TRRAP: variants seen among roughly 807,000 people sequenced by gnomAD.
TRRAP encodes transformation/transcription domain associated protein.
In TRRAP, 41 loss-of-function variants were observed where a neutral mutation model predicts 438.8. The ratio of observed to expected loss-of-function variants is 0.09; its 90% CI spans 0.07 to 0.12. TRRAP has a LOEUF of 0.12. TRRAP is among the 10% of genes least tolerant of loss of function. TRRAP has a pLI of 1.00. For synonymous variants in TRRAP, 1,994 were observed against 1,962.9 expected (o/e 1.02, Z -0.42); for missense variants, 3,122 against 5,055.1 (o/e 0.62, Z 11.60).
intron 65 of TRRAP, among the ~76,000 whole-genome samples, chr7:98,993,293 G>A (rs1445009849): frequency 2.0e-5 from 3 of 152,224 alleles, no homozygotes; most frequent in African/African-American, 7.2e-5. Context: ...CACATACACG[G>A]GTTTATTTAA....
intron 21 of TRRAP, among the ~76,000 whole-genome samples, chr7:98,923,383 G>T (rs553031995): frequency 2.4e-4 from 36 of 152,294 alleles, no homozygotes; most frequent in Admixed American, 1.2e-3. Flanking sequence ...TGAGCAGGAC[G>T]CCATCCTGCC....
intron 28 of TRRAP, among the ~76,000 whole-genome samples, 182 bp from the exon 29 acceptor site, chr7:98,936,974 A>G (rs1459920955): frequency 6.6e-6 from 1 of 152,146 alleles, no homozygotes; most frequent in Non-Finnish European, 1.5e-5. Flanking sequence ...CACAGCTGTA[A>G]TCCTAGCACT....
chr7:98,964,519 A>C, intron 47 of TRRAP, 110 bp from the exon 48 acceptor site: 13 of 1,317,986 alleles, frequency 9.9e-6, no homozygotes, highest in Non-Finnish European at 1.4e-5. Flanking sequence ...TGACACTGGG[A>C]TTAACTATGC....
Position 98,900,611 on chromosome 7 carries a change from T to A in TRRAP, c.801-13T>A. On this transcript the variant is annotated splice_polypyrimidine_tract_variant and intron_variant, in intron 10 of 72. Coordinates refer to ENST00000456197, the MANE Select transcript of TRRAP (RefSeq NM_001375524.1). ...TAATTGAGAGGTAATATTTTTGTTC[T>A]CTTCTTATTCAGGCAACATAAGCTT... 1.2e-6 allele frequency: 2 copies of A among 1,601,298 alleles called. No individual in the cohort carries two copies. The highest frequency in any genetic ancestry group is 1.7e-6 in the Non-Finnish European group (2 of 1,175,690).
intron 25 of TRRAP, 65 bp downstream of exon 25, chr7:98,930,895 C>G: frequency 6.3e-7 from 1 of 1,579,722 alleles, no homozygotes; most frequent in African/African-American, 1.3e-5. Context: ...CTGAAGAATA[C>G]TATAAGATCC....
chr7:98,944,651 G>A (rs1790960391), intron 31 of TRRAP, among the ~76,000 whole-genome samples: 1 of 152,210 alleles, frequency 6.6e-6, no homozygotes, highest in African/African-American at 2.4e-5. Context: ...CCTGGGGCCA[G>A]GCCACTGTTC....
chr7:98,985,075 A>C lies in TRRAP; in HGVS notation c.9389+31A>C, dbSNP rs1294284052. 2.1e-6 allele frequency: 3 copies of C among 1,425,950 alleles called. No homozygotes were observed. In the Admixed American group the frequency reaches 5.8e-5, roughly 28 times the overall value. 88.3% of individuals were successfully genotyped at this position (1,425,950 alleles called of 1,614,324 possible). A position where few individuals can be genotyped will look rare whatever the true frequency, so the allele number is the denominator to read the frequency against. ...TATGTTATATTGAAAGGATAAGAGA[A>C]AAAATGCATCAGATTATTTAAAGTT... is the stretch of plus-strand genomic sequence containing the variant. On this transcript the variant is annotated intron_variant, in intron 62 of 72. Transcript: ENST00000456197.
chr7:98,979,488 GC>G (rs1792816583), intron 58 of TRRAP, among the ~76,000 whole-genome samples: 1 of 152,212 alleles, frequency 6.6e-6, no homozygotes. Flanking sequence ...TAGTACAGAT[GC>G]AGTTTTTTTT....
At position 98,994,964 on chromosome 7, in the gene TRRAP, T is replaced by A. The variant is rs1793581652; in HGVS notation, c.10309+116T>A. On this transcript the variant is annotated intron_variant, in intron 67 of 72. Coordinates refer to ENST00000456197, the MANE Select transcript of TRRAP (RefSeq NM_001375524.1). This position sits in a 1 kb window ranked among gnomAD's most constrained non-coding sequence, Gnocchi z 4.8. The stretch of plus-strand genomic sequence containing the variant: ...TTTCTGATCACTGCACGGGGCACAC[T>A]GGTTACACTCTGTTTACAGTGCAGA... The A allele has an allele frequency of 5.7e-6, 8 of 1,410,818 alleles. No homozygotes were observed. Among genetic ancestry groups the A allele is most frequent in the Non-Finnish European group, 7.7e-6 (8 of 1,039,430 alleles). The allele number at this position is 1,410,818 out of a possible 1,614,324, so 87.4% of individuals were successfully genotyped here.
At chr7:98,912,549 A>G (rs1789321411) in intron 18 of TRRAP, among the ~76,000 whole-genome samples, 2 of 152,210 alleles carry the variant, frequency 1.3e-5, no homozygotes, top group African/African-American at 4.8e-5. Context: ...TCTATCTAGT[A>G]ACTTAAAATG....
chr7:98,888,046 C>A (rs535799038), intron 3 of TRRAP, among the ~76,000 whole-genome samples: 2 of 151,910 alleles, frequency 1.3e-5, no homozygotes, highest in South Asian at 4.2e-4. Flanking sequence ...TTGGCTAACA[C>A]GGTGAAACCC....
intron 33 of TRRAP, among the ~76,000 whole-genome samples, chr7:98,946,928 T>G (rs1471059100): frequency 6.6e-6 from 1 of 152,228 alleles, no homozygotes; most frequent in African/African-American, 2.4e-5. Context: ...TCTTGCAGAT[T>G]CTGGGGAAGA....
chr7:98,948,238 A>G lies in TRRAP; in HGVS notation c.4566A>G (p.Ser1522=), dbSNP rs1461319962. 6.2e-7 allele frequency: 1 copy of G among 1,614,082 alleles called. No individual in the cohort carries two copies. ...MEGVEEMKIC[S]AIINLFHLIP... Reference sequence around the variant, plus strand: ...TTGATCAGGAAATGAAGATTTGCTCAGCAATTATAAACCTTTTTCATCTGA... The same window carrying G: ...TTGATCAGGAAATGAAGATTTGCTCGGCAATTATAAACCTTTTTCATCTGA... Residue 1522 remains serine, a synonymous_variant, in exon 34 of 73, where the codon TCA becomes TCG. Transcript: ENST00000456197. The surrounding 1 kb of genome is among the most constrained non-coding windows in gnomAD (Gnocchi z 4.9).
chr7:99,004,258 A>G lies in TRRAP; in HGVS notation c.10378A>G (p.Lys3460Glu). 1 of 1,614,220 alleles carries G rather than the reference A, an allele frequency of 6.2e-7. No homozygotes were observed. Among genetic ancestry groups the G allele is most frequent in the Non-Finnish European group, 8.5e-7 (1 of 1,180,054 alleles). Residue 3460 changes from lysine (K) to glutamate (E), a missense_variant, in exon 68 of 73, where the codon AAA becomes GAA. By Grantham distance (56) the Lys-to-Glu change is moderately conservative (BLOSUM62 1). Coordinates refer to ENST00000456197, the MANE Select transcript of TRRAP (RefSeq NM_001375524.1). ...NLISKLKKWI[K>E]ILEAKTKQLP... ...TATTTCTAAGTTGAAAAAGTGGATC[A>G]AAATCTTGGAGGCCAAGACCAAGCA...
At chr7:98,985,171 G>A in intron 62 of TRRAP, 127 bp downstream of exon 62, 1 of 630,072 alleles carries the variant, frequency 1.6e-6, no homozygotes, top group Non-Finnish European at 2.7e-6. Flanking sequence ...CATTAGGTAG[G>A]ATTTTTTAGG....
In TRRAP at chr7:99,011,017, G is replaced by C. The variant is rs775151962; in HGVS notation, c.10939-35G>C. On this transcript the variant is annotated intron_variant, in intron 70 of 72. Coordinates refer to ENST00000456197, the MANE Select transcript of TRRAP (RefSeq NM_001375524.1). This position sits in a 1 kb window ranked among gnomAD's most constrained non-coding sequence, Gnocchi z 7.1. ...TTTCTTTTCCAAAAAAAATCAGTGA[G>C]TGAGATGGGAGTGTCACGGAGCGCT... is the stretch of plus-strand genomic sequence containing the variant. 5.1e-6 allele frequency: 8 copies of C among 1,583,782 alleles called. No homozygotes were observed. The highest frequency in any genetic ancestry group is 6.9e-6 in the Non-Finnish European group (8 of 1,158,710).
At chr7:98,895,445 T>C (rs1554405592) in intron 6 of TRRAP, among the ~76,000 whole-genome samples, 1 of 152,236 alleles carries the variant, frequency 6.6e-6, no homozygotes, top group Non-Finnish European at 1.5e-5. Flanking sequence ...CCCCACAGTA[T>C]ATGAGAGTCT....
chr7:98,917,272 A>T, intron 19 of TRRAP, 151 bp from the exon 20 acceptor site: 1 of 1,015,104 alleles, frequency 9.9e-7, no homozygotes, highest in South Asian at 1.6e-5. Flanking sequence ...TATTGGACAG[A>T]TGTAACAGGG....
chr7:98,950,353 C>A, intron 38 of TRRAP, 91 bp downstream of exon 38: 1 of 1,445,826 alleles, frequency 6.9e-7, no homozygotes, highest in Non-Finnish European at 9.5e-7. Context: ...TGCTGTGTCA[C>A]TCTTGAATAA....
Sources: gnomAD v4.1 joint callset for allele counts (sites outside exome capture counted in the v4.1 genomes callset) on GRCh38, gnomAD v4.1.1 for gene constraint, Gnocchi (gnomAD v3.1) non-coding constraint, MANE v1.5 for transcripts, NCBI Gene and HGNC (gene_info 2026-07-23, HGNC 2026-07-21) for gene names.